Variants in CACNA2D3 observed in about 807,000 individuals in gnomAD.
CACNA2D3 encodes voltage-dependent calcium channel subunit alpha-2/delta-3.
A neutral mutation model predicts 160.6 loss-of-function variants in CACNA2D3; 60 were observed. The ratio of observed to expected loss-of-function variants is 0.37; its 90% CI spans 0.30 to 0.46. CACNA2D3 has a LOEUF of 0.46. Ranked by LOEUF, CACNA2D3 falls within the 20% of genes least tolerant of loss-of-function variation. The pLI, the probability that CACNA2D3 is intolerant of heterozygous loss-of-function variation, is 1.00. For missense variants in CACNA2D3, 1,205 were observed against 1,365.0 expected, an observed-to-expected ratio of 0.88 and a Z score of 1.85; for synonymous variants, 558 against 492.9, an observed-to-expected ratio of 1.13 and a Z score of -1.75.
At chr3:55,030,521 A>G (rs1318757663) in intron 35 of CACNA2D3, among the ~76,000 whole-genome samples, 1 of 152,182 alleles carries the variant, frequency 6.6e-6, no homozygotes, top group African/African-American at 2.4e-5. Context: ...TTTAAATTTT[A>G]AAAAGGGGAG....
intron 2 of CACNA2D3, among the ~76,000 whole-genome samples, chr3:54,248,496 A>G (rs1702125547): frequency 6.6e-6 from 1 of 151,262 alleles, no homozygotes; most frequent in Non-Finnish European, 1.5e-5. Flanking sequence ...AAAAAAAAAA[A>G]AGAAAAAGAA....
intron 2 of CACNA2D3, among the ~76,000 whole-genome samples, chr3:54,244,486 T>A (rs1702033538): frequency 6.6e-6 from 1 of 152,254 alleles, no homozygotes; most frequent in African/African-American, 2.4e-5. Flanking sequence ...GCAGACTCAC[T>A]GGCTGAGGAG....
At chr3:54,631,848 A>T (rs965419208) in intron 10 of CACNA2D3, among the ~76,000 whole-genome samples, 1 of 152,198 alleles carries the variant, frequency 6.6e-6, no homozygotes, top group African/African-American at 2.4e-5. Context: ...TGCAATTATC[A>T]TTTTTGGCGA....
At chr3:54,985,701 G>T (rs1186888900) in intron 30 of CACNA2D3, among the ~76,000 whole-genome samples, 1 of 152,166 alleles carries the variant, frequency 6.6e-6, no homozygotes, top group Non-Finnish European at 1.5e-5. Flanking sequence ...AGTATGATAG[G>T]TTCACTGCTT....
chr3:54,767,011 C>T (rs1702238175), intron 13 of CACNA2D3, among the ~76,000 whole-genome samples: 1 of 151,250 alleles, frequency 6.6e-6, no homozygotes, highest in Non-Finnish European at 1.5e-5. Flanking sequence ...ACAGAACTAT[C>T]ATTCCCTCCC....
intron 9 of CACNA2D3, among the ~76,000 whole-genome samples, chr3:54,624,307 A>G (rs1699048368): frequency 6.6e-6 from 1 of 152,278 alleles, no homozygotes; most frequent in South Asian, 2.1e-4. Flanking sequence ...GAAAAATTAA[A>G]TGTTGTGCAG....
chr3:54,715,128 C>T (rs1261595489), intron 11 of CACNA2D3, among the ~76,000 whole-genome samples: 1 of 152,182 alleles, frequency 6.6e-6, no homozygotes, highest in African/African-American at 2.4e-5. Flanking sequence ...TAGATTGTCA[C>T]CTATACTTCT....
intron 34 of CACNA2D3, among the ~76,000 whole-genome samples, chr3:55,013,410 G>T (rs1703253004): frequency 6.6e-6 from 1 of 152,192 alleles, no homozygotes; most frequent in Non-Finnish European, 1.5e-5. Flanking sequence ...TTTTATGGAT[G>T]AAGAAAAGAA....
chr3:54,802,752 T>C (rs1412930090), intron 13 of CACNA2D3, among the ~76,000 whole-genome samples: 1 of 152,100 alleles, frequency 6.6e-6, no homozygotes, highest in Non-Finnish European at 1.5e-5. Context: ...GCAGACTGCC[T>C]CCTCAAGTGG....
At chr3:54,714,618 C>T (rs571434636) in intron 11 of CACNA2D3, among the ~76,000 whole-genome samples, 23 of 152,164 alleles carry the variant, frequency 1.5e-4, no homozygotes, top group Non-Finnish European at 2.9e-4. Context: ...CAACTTGTTT[C>T]GTATGTTTAC....
intron 14 of CACNA2D3, among the ~76,000 whole-genome samples, chr3:54,818,889 C>T (rs897422847): frequency 3.3e-5 from 5 of 152,142 alleles, no homozygotes; most frequent in East Asian, 1.9e-4. Context: ...GGGTAGTTTG[C>T]GGGAAATTCA....
chr3:54,373,172 T>C (rs1698955224), intron 3 of CACNA2D3, among the ~76,000 whole-genome samples: 1 of 152,160 alleles, frequency 6.6e-6, no homozygotes, highest in Admixed American at 6.5e-5. Context: ...AAGCCACCAG[T>C]GTCGTATTAA....
chr3:54,790,809 C>A (rs1702739067), intron 13 of CACNA2D3, among the ~76,000 whole-genome samples: 1 of 152,150 alleles, frequency 6.6e-6, no homozygotes, highest in Non-Finnish European at 1.5e-5. Flanking sequence ...TACAGTCCAC[C>A]ATCCAGAAGG....
At chr3:54,956,501 G>A (rs1044894980) in intron 27 of CACNA2D3, among the ~76,000 whole-genome samples, 3 of 152,140 alleles carry the variant, frequency 2.0e-5, no homozygotes, top group Admixed American at 6.5e-5. Flanking sequence ...TGGTCTTAAC[G>A]TTCTCAGTCT....
chr3:55,048,308 G>T (rs1436552096), intron 35 of CACNA2D3, among the ~76,000 whole-genome samples: 1 of 134,632 alleles, frequency 7.4e-6, no homozygotes, highest in Non-Finnish European at 1.6e-5. Context: ...TTTTTAGCAT[G>T]AAGGGTTGTT....
At chr3:54,557,086 C>T (rs1282710924) in intron 5 of CACNA2D3, among the ~76,000 whole-genome samples, 2 of 152,070 alleles carry the variant, frequency 1.3e-5, no homozygotes, top group Admixed American at 6.5e-5. Flanking sequence ...TTTAAGATTT[C>T]CCCTTCTATT....
intron 25 of CACNA2D3, among the ~76,000 whole-genome samples, chr3:54,895,341 G>T (rs1364358867): frequency 6.6e-6 from 1 of 152,150 alleles, no homozygotes; most frequent in Non-Finnish European, 1.5e-5. Context: ...GAGGAGGAAG[G>T]TCCCAGACCT....
rs563221847 is a variant in CACNA2D3 at position 55,063,884 on chromosome 3, C to T, written c.2988-9561C>T. ...TTAGCAGGGTTGGCTTCATAATTGG[C>T]CAGGCCCAGTGCAAAATAAAATTGT... On this transcript the variant is annotated intron_variant, in intron 35 of 37. Coordinates refer to ENST00000474759, the MANE Select transcript of CACNA2D3 (RefSeq NM_018398.3). Among the ~76,000 whole-genome samples, 23 of 152,270 alleles carry T rather than the reference C, an allele frequency of 1.5e-4. No individual in the cohort carries two copies. In the South Asian group the frequency reaches 4.8e-3, roughly 32 times the overall value.
intron 14 of CACNA2D3, among the ~76,000 whole-genome samples, chr3:54,831,979 T>TC (rs371735872): frequency 1.1e-4 from 16 of 146,156 alleles, no homozygotes; most frequent in African/African-American, 3.9e-4. Flanking sequence ...CTCTTTTTTT[T>TC]CCTCCCTCCC....
Sources: allele counts gnomAD v4.1 joint callset (sites outside exome capture counted in the v4.1 genomes callset), GRCh38; gene constraint gnomAD v4.1.1; transcripts MANE v1.5; gene names NCBI Gene and HGNC (gene_info 2026-07-23, HGNC 2026-07-21).